The following CDHR2 variants were observed in gnomAD, a reference collection of about 807,000 sequenced individuals.
The protein encoded by CDHR2 is cadherin-related family member 2.
CDHR2 carries 104 observed loss-of-function variants against 138.6 expected under a neutral mutation model. That is an observed-to-expected ratio of 0.75 (90% CI 0.64 to 0.88). CDHR2 has a LOEUF of 0.88. CDHR2 is among the 40% of genes least tolerant of loss of function. The pLI is 0.00. For synonymous variants in CDHR2, 755 were observed against 742.8 expected, an observed-to-expected ratio of 1.02 and a Z score of -0.27; for missense variants, 1,624 against 1,727.6, an observed-to-expected ratio of 0.94 and a Z score of 1.06.
chr5:176,592,853 C>G, intron 31 of CDHR2, 73 bp downstream of exon 31: 1 of 1,286,646 alleles, frequency 7.8e-7, no homozygotes. Flanking sequence ...GGGCAGAGCT[C>G]AAGGGACCTG....
At chr5:176,566,864 T>C in intron 3 of CDHR2, 1 of 450,062 alleles carries the variant, frequency 2.2e-6, no homozygotes, top group South Asian at 1.6e-5. Context: ...GCCGTGTGCC[T>C]AGCTCAAAAT....
chr5:176,581,216 C>A (rs2113309699), intron 16 of CDHR2, 127 bp from the exon 17 acceptor site: 1 of 1,266,358 alleles, frequency 7.9e-7, no homozygotes, highest in Non-Finnish European at 1.1e-6. Flanking sequence ...GGGAGATGGG[C>A]CCAGGGGCTC....
downstream of CDHR2, chr5:176,595,899 A>G (rs1445191482): frequency 2.4e-6 from 1 of 421,782 alleles, no homozygotes; most frequent in Non-Finnish European, 4.2e-6. Flanking sequence ...GTCACAAGGG[A>G]CTTGGGCTCA....
At chr5:176,575,897 A>G in intron 11 of CDHR2, 55 bp from the exon 12 acceptor site, 2 of 1,565,824 alleles carry the variant, frequency 1.3e-6, no homozygotes, top group East Asian at 2.4e-5. Context: ...CTGGCCTTTG[A>G]TCTCTCTCTC....
At chr5:176,579,776 G>A (rs1758482900) in intron 16 of CDHR2, among the ~76,000 whole-genome samples, 2 of 152,204 alleles carry the variant, frequency 1.3e-5, no homozygotes, top group Admixed American at 6.5e-5. Flanking sequence ...GTCCCACTCT[G>A]GATTCAAGGC....
In CDHR2 at chr5:176,584,942, T is replaced by C. The variant is rs1230001589; in HGVS notation, c.2661T>C (p.Cys887=). Residue 887 remains cysteine (C), a synonymous_variant, in exon 19 of 32, where the codon TGT becomes TGC. Coordinates refer to ENST00000261944, the MANE Select transcript of CDHR2 (RefSeq NM_017675.6). ...NQSKAIDYEA[C]DLVTLVVRAC... The stretch of plus-strand genomic sequence containing the variant: ...GCAAAGCCATCGACTACGAGGCCTG[T>C]GACCTGGTCACGCTGGTTGTGCGGG... 1 of 1,588,738 alleles carries C rather than the reference T, an allele frequency of 6.3e-7. No homozygotes were observed. Among genetic ancestry groups the C allele is most frequent in the African/African-American group, 1.3e-5 (1 of 74,150 alleles).
At chr5:176,593,180 T>C (rs964660086) in intron 31 of CDHR2, among the ~76,000 whole-genome samples, 2 of 152,176 alleles carry the variant, frequency 1.3e-5, no homozygotes, top group Non-Finnish European at 2.9e-5. Flanking sequence ...TGAACCAGCA[T>C]AGTCTAGCAA....
rs1388593108 is a variant in CDHR2, at chr5:176,590,317, G to A, written c.3340G>A (p.Asp1114Asn). The A allele has an allele frequency of 1.9e-6, 3 of 1,614,198 alleles. No homozygotes were observed. Among genetic ancestry groups the A allele is most frequent in the East Asian group, 2.2e-5 (1 of 44,882 alleles). Residue 1114 changes from aspartate (D) to asparagine (N), a missense_variant, in exon 26 of 32, where the codon GAT becomes AAT. By Grantham distance (23) the Asp-to-Asn change is conservative. Transcript: ENST00000261944. Reference protein sequence around the residue: ...VFPNGSALTLDELSVMIRNDQ... With the variant: ...VFPNGSALTLNELSVMIRNDQ... Reference sequence around the variant, plus strand: ...CCCCAATGGGTCAGCCCTGACCCTTGATGAGCTGAGTGTGTGAGTGGGGCT... The same window carrying A: ...CCCCAATGGGTCAGCCCTGACCCTTAATGAGCTGAGTGTGTGAGTGGGGCT...
At chr5:176,584,363 C>T (rs762612623) in intron 18 of CDHR2, 47 bp from the exon 19 acceptor site, 30 of 1,609,288 alleles carry the variant, frequency 1.9e-5, no homozygotes, top group South Asian at 3.3e-5. Flanking sequence ...AGGAGGCTTC[C>T]GATGGCGGGG....
Position 176,595,570 on chromosome 5 carries a change from A to C in CDHR2, c.3831A>C (p.Pro1277=). 4 of 1,612,268 alleles carry C rather than the reference A, an allele frequency of 2.5e-6. No homozygotes were observed. Among genetic ancestry groups the C allele is most frequent in the Non-Finnish European group, 3.4e-6 (4 of 1,179,010 alleles). The change falls in exon 32 of 32, where the codon CCA becomes CCC. Residue 1277 remains proline (P), a synonymous_variant. Transcript: ENST00000261944. The stretch of plus-strand genomic sequence containing the variant: ...CACACACACCACCAGAGCCAGATCC[A>C]GAGCCCCTGAGCGTGGTCCTGTTAG... ...RPPHTPPEPD[P]EPLSVVLLGR...
At chr5:176,588,701 CTGTG>C (rs1317419827) in intron 21 of CDHR2, among the ~76,000 whole-genome samples, 36 of 118,810 alleles carry the variant, frequency 3.0e-4, no homozygotes, top group African/African-American at 8.2e-4. Context: ...GTGAGAGAGA[CTGTG>C]TGTGTGAGTG....
chr5:176,549,813 C>T (rs558068195), intron 1 of CDHR2, among the ~76,000 whole-genome samples: 34 of 152,302 alleles, frequency 2.2e-4, no homozygotes, highest in Admixed American at 8.5e-4. Context: ...CATCCCAGCT[C>T]CACCCTGACC....
rs772459663 is a variant in CDHR2, at chr5:176,589,553, G to A, written c.3143G>A (p.Arg1048His). The change falls in exon 24 of 32, where the codon CGC (arginine) becomes CAC (histidine). Residue 1048 changes from arginine (R) to histidine (H), a missense_variant. This residue lies in a region of CDHR2 where 556 missense variants were observed against 565.7 expected (regional missense o/e 0.98). Coordinates refer to ENST00000261944, the MANE Select transcript of CDHR2 (RefSeq NM_017675.6). The part of the protein sequence containing the change: ...LNLFTVDQSY[R>H]SRLQFSTPKE... Reference sequence around the variant, plus strand: ...CTCTTCACCGTGGACCAGAGTTACCGCTCGCGGCTGCAGTTCTCCACACCG... The same window carrying A: ...CTCTTCACCGTGGACCAGAGTTACCACTCGCGGCTGCAGTTCTCCACACCG... 12 of 1,614,000 alleles carry A rather than the reference G, an allele frequency of 7.4e-6. No individual in the cohort carries two copies. The highest frequency in any genetic ancestry group is 3.3e-5 in the South Asian group (3 of 91,090).
At chr5:176,578,951 AAG>A (rs1484724298) in intron 16 of CDHR2, among the ~76,000 whole-genome samples, 1 of 152,210 alleles carries the variant, frequency 6.6e-6, no homozygotes, top group African/African-American at 2.4e-5. Context: ...AATAAGAAAA[AAG>A]AGAAAATAAA....
At chr5:176,584,365 A>G in intron 18 of CDHR2, 45 bp from the exon 19 acceptor site, 1 of 1,609,296 alleles carries the variant, frequency 6.2e-7, no homozygotes, top group Non-Finnish European at 8.5e-7. Context: ...GAGGCTTCCG[A>G]TGGCGGGGTC....
chr5:176,569,286 TG>T (rs1016142675), intron 5 of CDHR2, among the ~76,000 whole-genome samples: 17 of 97,808 alleles, frequency 1.7e-4, no homozygotes, highest in Non-Finnish European at 3.0e-4. Context: ...GTAAATTAAA[TG>T]TTTTTTTTTT....
At position 176,590,074 on chromosome 5, in the gene CDHR2, G is replaced by A; in HGVS notation, c.3207-4G>A. 6.2e-7 allele frequency: 1 copy of A among 1,613,324 alleles called. No homozygotes were observed. The highest frequency in any genetic ancestry group is 8.5e-7 in the Non-Finnish European group (1 of 1,179,442). On this transcript the variant is annotated splice_polypyrimidine_tract_variant and splice_region_variant and intron_variant, in intron 24 of 31. Transcript: ENST00000261944. Reference sequence around the variant, plus strand: ...GGCCTCTGTGACATCTGCCTTCTTTGCAGGGCTCTTACCCAGGCAACCAGG... The same window carrying A: ...GGCCTCTGTGACATCTGCCTTCTTTACAGGGCTCTTACCCAGGCAACCAGG...
intron 31 of CDHR2, among the ~76,000 whole-genome samples, chr5:176,594,851 G>A (rs949741632): frequency 6.6e-6 from 1 of 152,156 alleles, no homozygotes; most frequent in Non-Finnish European, 1.5e-5. Context: ...GTGTGTGTGT[G>A]TGTGCACGCA....
chr5:176,585,483 G>A (rs1758636782), intron 19 of CDHR2, among the ~76,000 whole-genome samples: 1 of 152,216 alleles, frequency 6.6e-6, no homozygotes, highest in Non-Finnish European at 1.5e-5. Context: ...TGGGGTAGGT[G>A]TTCCCTATCC....
Sources: gnomAD v4.1 joint callset for allele counts (sites outside exome capture counted in the v4.1 genomes callset) on GRCh38, gnomAD v4.1.1 for gene constraint, gnomAD v4.1.1 regional missense constraint, MANE v1.5 for transcripts, NCBI Gene and HGNC (gene_info 2026-07-23, HGNC 2026-07-21) for gene names.